The following PIWIL2 variants were observed in gnomAD, a reference collection of about 807,000 sequenced individuals.
PIWIL2 encodes the protein piwi-like protein 2.
PIWIL2 carries 81 observed loss-of-function variants against 116.5 expected under a neutral mutation model. The observed-to-expected ratio is 0.70, with a 90% CI of 0.58 to 0.84. PIWIL2 has a LOEUF of 0.84. Ranked by LOEUF, PIWIL2 falls within the 40% of genes least tolerant of loss-of-function variation. The pLI, the probability that PIWIL2 is intolerant of heterozygous loss-of-function variation, is 0.00. For missense variants in PIWIL2, 1,272 were observed against 1,212.3 expected (o/e 1.05, Z -0.73); for synonymous variants, 489 against 429.5 (o/e 1.14, Z -1.71).
At chr8:22,345,929 G>A (rs1304538917) in intron 20 of PIWIL2, among the ~76,000 whole-genome samples, 2 of 152,188 alleles carry the variant, frequency 1.3e-5, no homozygotes, top group East Asian at 1.9e-4. Flanking sequence ...TCAAAGGAAG[G>A]AGGCACTGGG....
chr8:22,288,564 G>A lies in PIWIL2; in HGVS notation c.884G>A (p.Arg295Lys), dbSNP rs146017456. The A allele has an allele frequency of 6.2e-7, 1 of 1,612,990 alleles. No individual in the cohort carries two copies. The highest frequency in any genetic ancestry group is 8.5e-7 in the Non-Finnish European group (1 of 1,179,128). ...LQQVLELKSQ[R>K]KTDSAEISIK... Reference sequence around the variant, plus strand: ...TAGGTTCTTGAGTTAAAAAGTCAAAGGAAAACAGACAGTGCTGAAATCAGC... The same window carrying A: ...TAGGTTCTTGAGTTAAAAAGTCAAAAGAAAACAGACAGTGCTGAAATCAGC... The change falls in exon 8 of 23, where the codon AGG becomes AAG. Residue 295 changes from arginine to lysine, a missense_variant. Coordinates refer to ENST00000356766, the MANE Select transcript of PIWIL2 (RefSeq NM_018068.5).
intron 19 of PIWIL2, among the ~76,000 whole-genome samples, chr8:22,317,504 C>A (rs1258771949): frequency 1.3e-5 from 2 of 151,978 alleles, no homozygotes; most frequent in African/African-American, 4.8e-5. Flanking sequence ...ACAAATAAAT[C>A]TCCACCAACT....
intron 18 of PIWIL2, 141 bp from the exon 19 acceptor site, chr8:22,316,104 C>CTTTTTTTTTTTTTTTT: frequency 3.7e-6 from 2 of 541,606 alleles, no homozygotes. Context: ...AGTTGATTGT[C>CTTTTTTTTTTTTTTTT]TTTTTTTTTT....
chr8:22,347,566 G>T (rs533574213), intron 20 of PIWIL2, among the ~76,000 whole-genome samples: 1 of 130,888 alleles, frequency 7.6e-6, no homozygotes, highest in Non-Finnish European at 1.5e-5. Flanking sequence ...CTGCTCTGTT[G>T]CCTAGGCTGG....
chr8:22,340,702 A>AT (rs968733982), intron 20 of PIWIL2, among the ~76,000 whole-genome samples: 6 of 151,774 alleles, frequency 4.0e-5, no homozygotes, highest in Non-Finnish European at 7.4e-5. Context: ...ACAAGGAAAG[A>AT]TTTTTTTTAT....
intron 20 of PIWIL2, among the ~76,000 whole-genome samples, chr8:22,327,232 T>A (rs1161677441): frequency 2.6e-5 from 4 of 151,794 alleles, no homozygotes; most frequent in Non-Finnish European, 5.9e-5. Context: ...AGATGGGGTT[T>A]CACCATGTTG....
intron 1 of PIWIL2, chr8:22,275,868 G>C (rs1375244468): frequency 3.9e-5 from 6 of 152,346 alleles, no homozygotes. Flanking sequence ...CTTTCGGACA[G>C]CCAAGTATCT....
chr8:22,286,166 G>A (rs1171149211), intron 6 of PIWIL2, among the ~76,000 whole-genome samples: 1 of 152,204 alleles, frequency 6.6e-6, no homozygotes, highest in Non-Finnish European at 1.5e-5. Context: ...AGGAAAAAAA[G>A]CAACTGAATT....
intron 6 of PIWIL2, among the ~76,000 whole-genome samples, chr8:22,286,752 A>G (rs1421172893): frequency 6.6e-6 from 1 of 152,152 alleles, no homozygotes; most frequent in Middle Eastern, 3.4e-3. Context: ...CTCCCGAGTA[A>G]CTGGGATTAC....
At chr8:22,275,770 C>A (rs1175493302) in intron 1 of PIWIL2, 1 of 152,338 alleles carries the variant, frequency 6.6e-6, no homozygotes, top group African/African-American at 2.4e-5. Context: ...CTGGTTAGGC[C>A]CGAGTCGCGA....
intron 10 of PIWIL2, among the ~76,000 whole-genome samples, chr8:22,300,118 A>C (rs1317381930): frequency 6.6e-6 from 1 of 151,718 alleles, no homozygotes. Context: ...TTTAATAGAG[A>C]TGGGACCTCA....
intron 20 of PIWIL2, among the ~76,000 whole-genome samples, chr8:22,329,502 C>T (rs6557995): frequency 0.99 from 151,400 of 152,296 alleles, 75,287 homozygotes; most frequent in Middle Eastern, 1. Flanking sequence ...GAAGAAGAGG[C>T]GGTACACATT....
intron 10 of PIWIL2, among the ~76,000 whole-genome samples, chr8:22,297,642 G>A (rs1345838776): frequency 6.6e-6 from 1 of 152,174 alleles, no homozygotes; most frequent in African/African-American, 2.4e-5. Flanking sequence ...GGGATTTACA[G>A]TATGGGAGAG....
At chr8:22,339,502 A>G (rs1033858591) in intron 20 of PIWIL2, among the ~76,000 whole-genome samples, 2 of 143,708 alleles carry the variant, frequency 1.4e-5, no homozygotes, top group Non-Finnish European at 2.9e-5. Flanking sequence ...GTGAGACTCC[A>G]TCTCAAAAAA....
intron 20 of PIWIL2, among the ~76,000 whole-genome samples, chr8:22,320,940 GTC>G (rs2132062853): frequency 6.6e-6 from 1 of 152,266 alleles, no homozygotes; most frequent in East Asian, 1.9e-4. Context: ...CACAGGGACT[GTC>G]TTGATTCCTT....
At chr8:22,326,967 C>T (rs1366457035) in intron 20 of PIWIL2, among the ~76,000 whole-genome samples, 1 of 151,570 alleles carries the variant, frequency 6.6e-6, no homozygotes, top group Non-Finnish European at 1.5e-5. Flanking sequence ...ACCAGTAATG[C>T]AGAAGTTTTC....
chr8:22,353,950 A>G (rs974634930), intron 21 of PIWIL2, among the ~76,000 whole-genome samples: 7 of 151,426 alleles, frequency 4.6e-5, no homozygotes, highest in African/African-American at 7.3e-5. Flanking sequence ...TAATTTTTGT[A>G]TTTTTTGTAG....
chr8:22,339,443 G>A (rs1002748057), intron 20 of PIWIL2, among the ~76,000 whole-genome samples: 1 of 151,388 alleles, frequency 6.6e-6, no homozygotes, highest in Non-Finnish European at 1.5e-5. Context: ...GGGAGTCGGA[G>A]GTTTTGGTGA....
chr8:22,347,611 C>T (rs1396365209), intron 20 of PIWIL2, among the ~76,000 whole-genome samples: 1 of 151,190 alleles, frequency 6.6e-6, no homozygotes, highest in East Asian at 2.0e-4. Flanking sequence ...ACTGCAGCCT[C>T]CGCCTCTCGG....
Sources: allele counts gnomAD v4.1 joint callset (sites outside exome capture counted in the v4.1 genomes callset), GRCh38; gene constraint gnomAD v4.1.1; transcripts MANE v1.5; gene names NCBI Gene and HGNC (gene_info 2026-07-23, HGNC 2026-07-21).